Variants in ADGRB3 observed in about 807,000 individuals in gnomAD.
The protein encoded by ADGRB3 is brain-specific angiogenesis inhibitor 3.
Under a neutral mutation model 193.4 loss-of-function variants are expected in ADGRB3, and 37 were observed. The ratio of observed to expected loss-of-function variants is 0.19; its 90% CI spans 0.15 to 0.25. The LOEUF (loss-of-function observed/expected upper bound fraction) is 0.25. Among genes scored for constraint, ADGRB3 ranks in the 10% least tolerant of loss-of-function variants. ADGRB3 has a pLI of 1.00. For synonymous variants in ADGRB3, 690 were observed against 644.2 expected, an observed-to-expected ratio of 1.07 and a Z score of -1.08; for missense variants, 1,637 against 1,852.9, an observed-to-expected ratio of 0.88 and a Z score of 2.14.
At chr6:69,367,917 T>A (rs539709520) in intron 29 of ADGRB3, among the ~76,000 whole-genome samples, 2 of 146,014 alleles carry the variant, frequency 1.4e-5, no homozygotes, top group East Asian at 4.2e-4. Flanking sequence ...ACACCGCATA[T>A]TCTCACTCAT....
intron 17 of ADGRB3, among the ~76,000 whole-genome samples, chr6:69,139,762 C>T (rs936101352): frequency 2.8e-4 from 42 of 152,276 alleles, no homozygotes; most frequent in African/African-American, 9.6e-4. Flanking sequence ...GTGGGAAATA[C>T]ACTTGGAACA....
At chr6:69,297,059 C>T (rs1767834756) in intron 20 of ADGRB3, among the ~76,000 whole-genome samples, 1 of 151,990 alleles carries the variant, frequency 6.6e-6, no homozygotes. Context: ...GACTTTTACT[C>T]CAGGATAAAT....
intron 3 of ADGRB3, among the ~76,000 whole-genome samples, chr6:68,792,740 G>A (rs1451586744): frequency 6.6e-6 from 1 of 152,018 alleles, no homozygotes; most frequent in East Asian, 1.9e-4. Flanking sequence ...TCTCTGTTGG[G>A]CAGAAACAAG....
At chr6:69,319,352 T>C (rs1009461819) in intron 20 of ADGRB3, among the ~76,000 whole-genome samples, 32 of 151,354 alleles carry the variant, frequency 2.1e-4, no homozygotes, top group African/African-American at 7.7e-4. Context: ...ATAAACTTCT[T>C]GAATTTATTT....
At chr6:68,995,972 G>T (rs1032608566) in intron 11 of ADGRB3, among the ~76,000 whole-genome samples, 6 of 151,916 alleles carry the variant, frequency 3.9e-5, no homozygotes, top group Non-Finnish European at 7.4e-5. Flanking sequence ...TTCTTTACTT[G>T]ATTATAAACT....
chr6:68,669,675 CA>C (rs1447331618), intron 3 of ADGRB3, among the ~76,000 whole-genome samples: 1 of 137,816 alleles, frequency 7.3e-6, no homozygotes, highest in African/African-American at 2.7e-5. Flanking sequence ...TTTATCCATT[CA>C]TTTTTTTGAT....
chr6:68,817,307 GTATATATATATATATATATATATATATA>G (rs60723627), intron 3 of ADGRB3, among the ~76,000 whole-genome samples: 13 of 44,176 alleles, frequency 2.9e-4, no homozygotes, highest in South Asian at 2.2e-3. Flanking sequence ...TTTTGTCCAT[GTATATATATATATATATATATATATATA>G]TATATATATA....
At chr6:69,181,863 A>G (rs946462662) in intron 17 of ADGRB3, among the ~76,000 whole-genome samples, 3 of 152,150 alleles carry the variant, frequency 2.0e-5, no homozygotes, top group Non-Finnish European at 2.9e-5. Context: ...TAGATTTTTT[A>G]TAATCAACTA....
intron 12 of ADGRB3, among the ~76,000 whole-genome samples, 185 bp downstream of exon 12, chr6:69,014,291 T>C (rs540829204): frequency 6.6e-6 from 1 of 152,108 alleles, no homozygotes; most frequent in African/African-American, 2.4e-5. Flanking sequence ...TATTTATACA[T>C]GTGAAAAAAA....
At chr6:68,765,880 T>G (rs1380492535) in intron 3 of ADGRB3, among the ~76,000 whole-genome samples, 1 of 152,024 alleles carries the variant, frequency 6.6e-6, no homozygotes, top group Non-Finnish European at 1.5e-5. Flanking sequence ...TTATTCTTGG[T>G]CAATTTTGGT....
At chr6:68,740,523 G>A (rs1350031121) in intron 3 of ADGRB3, among the ~76,000 whole-genome samples, 3 of 152,134 alleles carry the variant, frequency 2.0e-5, no homozygotes, top group East Asian at 1.9e-4. Context: ...TGAGAATATG[G>A]TAGAAGGGTA....
intron 28 of ADGRB3, among the ~76,000 whole-genome samples, chr6:69,358,925 A>G (rs911150475): frequency 1.3e-5 from 2 of 150,898 alleles, no homozygotes; most frequent in Admixed American, 1.3e-4. Context: ...ACACACGTAT[A>G]TATATATATA....
At chr6:69,054,342 TA>T (rs1326341914) in intron 15 of ADGRB3, among the ~76,000 whole-genome samples, 2 of 152,084 alleles carry the variant, frequency 1.3e-5, no homozygotes, top group Non-Finnish European at 2.9e-5. Flanking sequence ...CTATAGAAAT[TA>T]AAAATGAATA....
chr6:69,292,853 A>G (rs562567239), intron 20 of ADGRB3, among the ~76,000 whole-genome samples: 1 of 152,120 alleles, frequency 6.6e-6, no homozygotes, highest in South Asian at 2.1e-4. Context: ...ACATCTCCCA[A>G]TGCCATCCCT....
intron 17 of ADGRB3, among the ~76,000 whole-genome samples, chr6:69,099,063 G>T (rs9454693): frequency 0.25 from 38,267 of 152,026 alleles, 5,103 homozygotes; most frequent in African/African-American, 0.29. Flanking sequence ...CATACTGAGG[G>T]TGTTCATACT....
At chr6:69,155,425 G>T (rs1018629242) in intron 17 of ADGRB3, among the ~76,000 whole-genome samples, 4 of 152,044 alleles carry the variant, frequency 2.6e-5, no homozygotes, top group Non-Finnish European at 4.4e-5. Context: ...GAAAAGAAAA[G>T]AAATTTCAGG....
chr6:68,844,218 A>T (rs1768227054), intron 3 of ADGRB3, among the ~76,000 whole-genome samples: 1 of 152,154 alleles, frequency 6.6e-6, no homozygotes, highest in Non-Finnish European at 1.5e-5. Flanking sequence ...GAAACAATCA[A>T]CAAAATGAAG....
chr6:69,302,522 A>G (rs1480758315), intron 20 of ADGRB3, among the ~76,000 whole-genome samples: 1 of 152,018 alleles, frequency 6.6e-6, no homozygotes. Context: ...TGAGTTTAAC[A>G]CTGAAGGCAT....
At chr6:68,909,132 T>C (rs1057134824) in intron 3 of ADGRB3, among the ~76,000 whole-genome samples, 8 of 152,184 alleles carry the variant, frequency 5.3e-5, no homozygotes, top group African/African-American at 1.9e-4. Flanking sequence ...TAACAGGTTC[T>C]CAAGAAAACC....
Sources: gnomAD v4.1 joint callset for allele counts (sites outside exome capture counted in the v4.1 genomes callset) on GRCh38, gnomAD v4.1.1 for gene constraint, MANE v1.5 for transcripts, NCBI Gene and HGNC (gene_info 2026-07-23, HGNC 2026-07-21) for gene names.